The following CORO6 variants were observed in gnomAD, a reference collection of about 807,000 sequenced individuals.
CORO6 encodes the protein coronin 6, also known as coronin-6.
In CORO6, 43 loss-of-function variants were observed where a neutral mutation model predicts 49.0. The observed-to-expected ratio is 0.88, with a 90% confidence interval of 0.69 to 1.13. The LOEUF is 1.13. Among genes scored for constraint, CORO6 ranks in the 50% most tolerant of loss-of-function variants. The pLI is 0.00. For missense variants in CORO6, 650 were observed against 647.0 expected (o/e 1.00, Z -0.05); for synonymous variants, 233 against 256.5 (o/e 0.91, Z 0.88).
rs193135655 is a variant in CORO6, at chr17:29,619,778, G to C, written c.199-5C>G. On this transcript the variant is annotated splice_polypyrimidine_tract_variant and splice_region_variant and intron_variant, in intron 2 of 10. Transcript: ENST00000388767. The stretch of plus-strand genomic sequence containing the variant: ...GTTCTTATCCACTCGCCCTGTCTGA[G>C]GGGTTGGAGAAGAAGATGTGGGGCT... The C allele has an allele frequency of 6.2e-6, 10 of 1,605,236 alleles. No individual in the cohort carries two copies. The East Asian group carries it at 2.2e-4, about 36-fold the overall frequency.
rs763367696 is a variant in CORO6 at position 29,622,810 on chromosome 17, C to T, written c.-186G>A. 53 of 1,312,192 alleles carry T rather than the reference C, an allele frequency of 4.0e-5. No homozygotes were observed. Among genetic ancestry groups the T allele is most frequent in the Non-Finnish European group, 4.7e-5 (47 of 994,938 alleles). The allele number at this position is 1,312,192 out of a possible 1,614,324, so 81.3% of individuals were successfully genotyped here. On this transcript the variant is annotated 5_prime_UTR_variant, in exon 1 of 11. Coordinates refer to ENST00000388767, the MANE Select transcript of CORO6 (RefSeq NM_032854.4). ...CCACCTCTCCGGGTGTCTGTAGTAT[C>T]TGGGACCCGGGTGTCCAGCTCCGCA...
At position 29,616,048 on chromosome 17, in the gene CORO6, GGCACATA is replaced by G; in HGVS notation, c.1183_1189del (p.Tyr395ProfsTer98). On this transcript the variant is annotated frameshift_variant, in exon 10 of 11. Transcript: ENST00000388767. LOFTEE classifies it high-confidence loss of function. This position sits in a 1 kb window ranked among gnomAD's most constrained non-coding sequence, Gnocchi z 5.6. ...GACCCGGAGCTCGCGGTGCTTGGGGGGCACATAGCCGTCCCTCAGCGAAATGAGCACG... is the reference window on the plus strand; with the variant it reads ...GACCCGGAGCTCGCGGTGCTTGGGGGGCCGTCCCTCAGCGAAATGAGCACG... 1 of 1,611,940 alleles carries G rather than the reference GGCACATA, an allele frequency of 6.2e-7. No individual in the cohort carries two copies. The highest frequency in any genetic ancestry group is 8.5e-7 in the Non-Finnish European group (1 of 1,179,512).
Position 29,616,631 on chromosome 17 carries a change from C to T in CORO6, c.1004+71G>A, listed in dbSNP as rs572442949. On this transcript the variant is annotated intron_variant, in intron 8 of 10. Coordinates refer to ENST00000388767, the MANE Select transcript of CORO6 (RefSeq NM_032854.4). This position sits in a 1 kb window ranked among gnomAD's most constrained non-coding sequence, Gnocchi z 5.6. ...AAAGCACTGCATTACTGGGGAAGCCCCGTGGCTAGGACCCGACATGAGTGG... is the reference window on the plus strand; with the variant it reads ...AAAGCACTGCATTACTGGGGAAGCCTCGTGGCTAGGACCCGACATGAGTGG... 9.6e-5 allele frequency: 151 copies of T among 1,577,646 alleles called. 2 individuals are homozygous for T. The South Asian group carries it at 1.6e-3, about 17-fold the overall frequency.
Position 29,622,814 on chromosome 17 carries a change from G to A in CORO6, c.-190C>T, listed in dbSNP as rs1185548792. The A allele has an allele frequency of 7.6e-7, 1 of 1,311,096 alleles. No individual in the cohort carries two copies. Among genetic ancestry groups the A allele is most frequent in the South Asian group, 1.2e-5 (1 of 81,452 alleles). The allele number at this position is 1,311,096 out of a possible 1,614,324, so 81.2% of individuals were successfully genotyped here. On this transcript the variant is annotated 5_prime_UTR_variant, in exon 1 of 11. Transcript: ENST00000388767. ...CTCTCCGGGTGTCTGTAGTATCTGG[G>A]ACCCGGGTGTCCAGCTCCGCACTCT...
rs781340228 is a variant in CORO6, at chr17:29,616,832, G to C, written c.874C>G (p.Arg292Gly). The C allele has an allele frequency of 1.2e-6, 2 of 1,613,330 alleles. No homozygotes were observed. The highest frequency in any genetic ancestry group is 2.7e-5 in the African/African-American group (2 of 74,906). Residue 292 changes from arginine (R) to glycine (G), a missense_variant, in exon 8 of 11, where the codon CGG becomes GGG. Physicochemically the swap from Arg to Gly is moderately radical, Grantham distance 125. Coordinates refer to ENST00000388767, the MANE Select transcript of CORO6 (RefSeq NM_032854.4). The surrounding 1 kb of genome is among the most constrained non-coding windows in gnomAD (Gnocchi z 5.6). ...YLCGKGDSSI[R>G]YFEITDEPPF... Reference sequence around the variant, plus strand: ...GGCTCGTCGGTAATCTCAAAGTACCGAATGCTGCTGTCGCCCTGCAAAATC... The same window carrying C: ...GGCTCGTCGGTAATCTCAAAGTACCCAATGCTGCTGTCGCCCTGCAAAATC...
At chr17:29,619,862 A>G in intron 2 of CORO6, 89 bp from the exon 3 acceptor site, 1 of 1,227,474 alleles carries the variant, frequency 8.1e-7, no homozygotes. Flanking sequence ...TCGATTCCTT[A>G]TTACCTATTT....
chr17:29,614,780 T>G lies in CORO6; in HGVS notation c.*952A>C, dbSNP rs2034758605. The stretch of plus-strand genomic sequence containing the variant: ...TACCGGAGGCTTTTGCTACCTAACT[T>G]TACTTGGGGGGAACGCCTACGGTGT... On this transcript the variant is annotated 3_prime_UTR_variant, in exon 11 of 11. Coordinates refer to ENST00000388767, the MANE Select transcript of CORO6 (RefSeq NM_032854.4). 6.6e-6 allele frequency: 1 copy of G among 152,434 alleles called. No individual in the cohort carries two copies. The highest frequency in any genetic ancestry group is 1.5e-5 in the Non-Finnish European group (1 of 68,070). 9.4% of individuals were successfully genotyped at this position (152,434 alleles called of 1,614,324 possible). A position where few individuals can be genotyped will look rare whatever the true frequency, so the allele number is the denominator to read the frequency against.
In CORO6 at chr17:29,616,087, G is replaced by A. The variant is rs201101451; in HGVS notation, c.1151C>T (p.Ala384Val). ...CCTCAGCGAAATGAGCACGGGTTCG[G>A]CGTCCTGGCCGGATAGCCATTCGTC... ...EADEWLSGQD[A>V]EPVLISLRDG... Residue 384 changes from alanine to valine, a missense_variant, in exon 10 of 11, where the codon GCC (alanine) becomes GTC (valine). Ala to Val is a moderately conservative substitution (Grantham distance 64, BLOSUM62 0). Transcript: ENST00000388767. The surrounding 1 kb of genome is among the most constrained non-coding windows in gnomAD (Gnocchi z 5.6). 1.3e-5 allele frequency: 21 copies of A among 1,612,950 alleles called. No individual in the cohort carries two copies. Among genetic ancestry groups the A allele is most frequent in the Non-Finnish European group, 1.7e-5 (20 of 1,180,016 alleles).
At position 29,619,090 on chromosome 17, in the gene CORO6, G is replaced by T; in HGVS notation, c.421C>A (p.Pro141Thr). The change falls in exon 4 of 11, where the codon CCT becomes ACT. Residue 141 changes from proline to threonine, a missense_variant. Pro to Thr is a conservative substitution (Grantham distance 38). Coordinates refer to ENST00000388767, the MANE Select transcript of CORO6 (RefSeq NM_032854.4). ...CTGAGCAGGACATTCCTGGCAGTAG[G>T]GTGCCAGGAGAGGATGCCCACACGC... ...SKRVGILSWH[P>T]TARNVLLSAG... is the part of the protein sequence containing the mutation. 2 of 1,613,640 alleles carry T rather than the reference G, an allele frequency of 1.2e-6. No homozygotes were observed. The highest frequency in any genetic ancestry group is 1.7e-6 in the Non-Finnish European group (2 of 1,179,858).
chr17:29,619,224 T>A lies in CORO6; in HGVS notation c.322-35A>T, dbSNP rs371062707. ...AAGAAAAGGTATATGGTGGGTGGAA[T>A]GAGGAGCCACCCTGTCCCTCCACTC... On this transcript the variant is annotated intron_variant, in intron 3 of 10. Transcript: ENST00000388767. 265 of 1,608,718 alleles carry A rather than the reference T, an allele frequency of 1.6e-4. 1 individual carries two copies. In the East Asian group the frequency reaches 4.8e-3, roughly 29 times the overall value.
chr17:29,617,438 C>A, intron 6 of CORO6, 62 bp downstream of exon 6: 1 of 1,560,074 alleles, frequency 6.4e-7, no homozygotes. Flanking sequence ...TGGGGGGCGC[C>A]TGGCCACTCT....
At chr17:29,618,071 G>T in intron 5 of CORO6, 3 of 1,500,644 alleles carry the variant, frequency 2.0e-6, no homozygotes, top group Non-Finnish European at 2.7e-6. Flanking sequence ...GCGAGTTGCC[G>T]CTCACTCATC....
In CORO6 at chr17:29,622,870, G is replaced by T. The variant is rs747196619; in HGVS notation, c.-246C>A. ...ATCCTGCGGCTCTCTAGAGCCCGGC[G>T]CCGCTGCAGCCCCAGCTGCCGCTGC... On this transcript the variant is annotated 5_prime_UTR_variant, in exon 1 of 11. Transcript: ENST00000388767. The T allele has an allele frequency of 7.7e-7, 1 of 1,294,136 alleles. No individual in the cohort carries two copies. Among genetic ancestry groups the T allele is most frequent in the Non-Finnish European group, 1.0e-6 (1 of 986,082 alleles). 80.2% of individuals were successfully genotyped at this position (1,294,136 alleles called of 1,614,324 possible).
chr17:29,618,711 T>G, intron 5 of CORO6, 79 bp downstream of exon 5: 1 of 1,512,852 alleles, frequency 6.6e-7, no homozygotes, highest in South Asian at 1.3e-5. Context: ...CCAGGGGCTC[T>G]GATAATGGTG....
At position 29,618,925 on chromosome 17, in the gene CORO6, C is replaced by T. The variant is rs778354451; in HGVS notation, c.498G>A (p.Val166=). The change falls in exon 5 of 11, where the codon GTG becomes GTA. Residue 166 remains valine (V), a synonymous_variant. Transcript: ENST00000388767. The stretch of plus-strand genomic sequence containing the variant: ...GGTGCATATCATCCAGGCTCAGCAG[C>T]ACCTCCCCGGTGCCCACATTCCAGA... ...IIIWNVGTGE[V]LLSLDDMHPD... 1.9e-6 allele frequency: 3 copies of T among 1,613,882 alleles called. No individual in the cohort carries two copies. Among genetic ancestry groups the T allele is most frequent in the Non-Finnish European group, 1.7e-6 (2 of 1,180,008 alleles).
chr17:29,616,362 C>T lies in CORO6; in HGVS notation c.1005-26G>A. ...CTATAAGGGAGCAGGGTTCAGCACCCTCGCAGACTTCCACGTCCTTAACTT... is the reference window on the plus strand; with the variant it reads ...CTATAAGGGAGCAGGGTTCAGCACCTTCGCAGACTTCCACGTCCTTAACTT... On this transcript the variant is annotated intron_variant, in intron 8 of 10. Transcript: ENST00000388767. This position sits in a 1 kb window ranked among gnomAD's most constrained non-coding sequence, Gnocchi z 5.6. 6.3e-7 allele frequency: 1 copy of T among 1,584,210 alleles called. No individual in the cohort carries two copies. Among genetic ancestry groups the T allele is most frequent in the South Asian group, 1.1e-5 (1 of 87,828 alleles).
chr17:29,615,744 G>T lies in CORO6; in HGVS notation c.1407C>A (p.Asp469Glu), dbSNP rs1485978245. 6.5e-7 allele frequency: 1 copy of T among 1,546,036 alleles called. No homozygotes were observed. Among genetic ancestry groups the T allele is most frequent in the Admixed American group, 2.0e-5 (1 of 50,504 alleles). The stretch of plus-strand genomic sequence containing the variant: ...CTGGCGCGCGGGGCTAGTCCGTGCC[G>T]TCCACCAGCTCGCACAGCATGTTCT... The part of the protein sequence containing the change: ...ALENMLCELV[D>E]GTD Residue 469 changes from aspartate to glutamate, a missense_variant, in exon 11 of 11, where the codon GAC (aspartate) becomes GAA (glutamate). Physicochemically the swap from Asp to Glu is conservative, Grantham distance 45. Coordinates refer to ENST00000388767, the MANE Select transcript of CORO6 (RefSeq NM_032854.4).
intron 5 of CORO6, chr17:29,618,414 C>T (rs907287275): frequency 9.3e-6 from 12 of 1,291,732 alleles, no homozygotes; most frequent in Admixed American, 7.5e-5. Flanking sequence ...AGTGTCAGGC[C>T]CCAGACCCTG....
Position 29,615,594 on chromosome 17 carries a change from C to T in CORO6, c.*138G>A. On this transcript the variant is annotated 3_prime_UTR_variant, in exon 11 of 11. Coordinates refer to ENST00000388767, the MANE Select transcript of CORO6 (RefSeq NM_032854.4). ...CCTAAGCTCCAAGAGTTCTGGTCTCCCGCGAGGGGCGGAGTTCCCTCCCCA... is the reference window on the plus strand; with the variant it reads ...CCTAAGCTCCAAGAGTTCTGGTCTCTCGCGAGGGGCGGAGTTCCCTCCCCA... The T allele has an allele frequency of 2.1e-6, 2 of 955,844 alleles. No homozygotes were observed. Among genetic ancestry groups the T allele is most frequent in the Admixed American group, 6.5e-5 (2 of 30,972 alleles). 59.2% of individuals were successfully genotyped at this position (955,844 alleles called of 1,614,324 possible).
Sources: allele counts gnomAD v4.1 joint callset, GRCh38; gene constraint gnomAD v4.1.1; non-coding constraint Gnocchi (gnomAD v3.1); transcripts MANE v1.5; gene names NCBI Gene and HGNC (gene_info 2026-07-23, HGNC 2026-07-21).